IMPG1: variants seen among roughly 807,000 people sequenced by gnomAD.
IMPG1 encodes interphotoreceptor matrix proteoglycan of 150 kDa.
IMPG1 carries 85 observed loss-of-function variants against 92.0 expected under a neutral mutation model. The observed-to-expected ratio is 0.92, with a 90% CI of 0.78 to 1.11. The LOEUF (loss-of-function observed/expected upper bound fraction) is 1.11. Among genes scored for constraint, IMPG1 ranks in the 50% least tolerant of loss-of-function variants. The pLI is 0.00. For synonymous variants in IMPG1, 367 were observed against 334.1 expected (o/e 1.10, Z -1.08); for missense variants, 1,022 against 956.0 (o/e 1.07, Z -0.91).
intron 14 of IMPG1, among the ~76,000 whole-genome samples, chr6:75,939,388 C>T (rs949218436): frequency 6.6e-6 from 1 of 150,552 alleles, no homozygotes; most frequent in Non-Finnish European, 1.5e-5. Context: ...GTGTGATGTT[C>T]CCCTTCCTGT....
chr6:75,970,253 A>G, intron 12 of IMPG1, among the ~76,000 whole-genome samples: 1 of 152,120 alleles, frequency 6.6e-6, no homozygotes, highest in East Asian at 1.9e-4. Context: ...TAAAATGCGT[A>G]ATTAAGAGAG....
chr6:76,048,697 C>T (rs1435731039), intron 1 of IMPG1, among the ~76,000 whole-genome samples: 1 of 152,206 alleles, frequency 6.6e-6, no homozygotes, highest in Non-Finnish European at 1.5e-5. Flanking sequence ...AATCCTCTCT[C>T]TATAGCATGT....
intron 4 of IMPG1, among the ~76,000 whole-genome samples, chr6:76,027,783 G>T (rs1344270032): frequency 1.3e-5 from 2 of 152,102 alleles, no homozygotes; most frequent in African/African-American, 4.8e-5. Flanking sequence ...GGTTATAAAA[G>T]GTTTTTGCTT....
chr6:76,052,146 A>G (rs1247161551), intron 1 of IMPG1, among the ~76,000 whole-genome samples: 1 of 152,192 alleles, frequency 6.6e-6, no homozygotes, highest in Non-Finnish European at 1.5e-5. Context: ...TTTCGTGCCC[A>G]GAGGGGATGA....
At chr6:76,049,476 G>GTC (rs754469151) in intron 1 of IMPG1, among the ~76,000 whole-genome samples, 74 of 151,758 alleles carry the variant, frequency 4.9e-4, no homozygotes, top group Non-Finnish European at 9.6e-4. Flanking sequence ...CTCTCTCTCT[G>GTC]TCTCTCTCTC....
chr6:76,061,472 G>A (rs1784204077), intron 1 of IMPG1, among the ~76,000 whole-genome samples: 1 of 152,144 alleles, frequency 6.6e-6, no homozygotes, highest in Non-Finnish European at 1.5e-5. Flanking sequence ...AATACCTTTT[G>A]TGTAATTTCA....
intron 7 of IMPG1, among the ~76,000 whole-genome samples, chr6:76,017,807 A>G: frequency 6.6e-6 from 1 of 152,110 alleles, no homozygotes. Flanking sequence ...GGCTGGAGTG[A>G]AGTGGCACGA....
chr6:76,003,679 G>T (rs1424743580), intron 11 of IMPG1, among the ~76,000 whole-genome samples, 195 bp downstream of exon 11: 4 of 152,128 alleles, frequency 2.6e-5, no homozygotes, highest in Non-Finnish European at 1.5e-5. Flanking sequence ...TATTTAAAAT[G>T]CAAGTTGTAT....
At chr6:75,968,448 A>G (rs1782347280) in intron 12 of IMPG1, among the ~76,000 whole-genome samples, 1 of 151,914 alleles carries the variant, frequency 6.6e-6, no homozygotes, top group South Asian at 2.1e-4. Flanking sequence ...ATGTAGAAAA[A>G]TTCTACTTTT....
intron 12 of IMPG1, among the ~76,000 whole-genome samples, chr6:75,994,250 A>C (rs1157368606): frequency 6.6e-6 from 1 of 152,240 alleles, no homozygotes; most frequent in Non-Finnish European, 1.5e-5. Context: ...GTAGGAGGAC[A>C]AAGCATGCAT....
chr6:76,010,919 A>G (rs1378738133), intron 8 of IMPG1, among the ~76,000 whole-genome samples: 3 of 152,216 alleles, frequency 2.0e-5, no homozygotes, highest in Admixed American at 2.0e-4. Flanking sequence ...TGAGCTCTCT[A>G]TAGAGAGCAC....
chr6:75,922,108 T>C lies in IMPG1; in HGVS notation c.2375A>G (p.Gln792Arg). ...CAGTTTTTAATTTCCTTCCCAATCT[T>C]GATGGTTAAATTCTTCATATTCTAC... The part of the protein sequence containing the change: ...LTVEYEEFNH[Q>R]DWEGN Residue 792 changes from glutamine (Q) to arginine (R), a missense_variant, in exon 17 of 17, where the codon CAA (glutamine) becomes CGA (arginine). By Grantham distance (43) the Gln-to-Arg change is conservative. Around this residue, in one of 3 missense-constraint regions of IMPG1, gnomAD observed 332 missense variants for 346.2 expected, o/e 0.96. Coordinates refer to ENST00000369950, the MANE Select transcript of IMPG1 (RefSeq NM_001563.4). 7.4e-7 allele frequency: 1 copy of C among 1,352,876 alleles called. No homozygotes were observed. The highest frequency in any genetic ancestry group is 1.0e-6 in the Non-Finnish European group (1 of 954,024). 83.8% of individuals were successfully genotyped at this position (1,352,876 alleles called of 1,614,324 possible).
intron 12 of IMPG1, among the ~76,000 whole-genome samples, chr6:75,974,270 T>C (rs1452010395): frequency 6.6e-6 from 1 of 151,154 alleles, no homozygotes; most frequent in East Asian, 2.0e-4. Flanking sequence ...TTCTCTCTCT[T>C]TCTTTCTCTC....
chr6:75,967,946 T>C (rs1334461407), intron 12 of IMPG1, among the ~76,000 whole-genome samples: 2 of 152,226 alleles, frequency 1.3e-5, no homozygotes, highest in African/African-American at 4.8e-5. Flanking sequence ...TGCCTGCTGG[T>C]ATATTCCAGC....
At chr6:75,937,882 A>G (rs2149452740) in intron 14 of IMPG1, among the ~76,000 whole-genome samples, 1 of 152,326 alleles carries the variant, frequency 6.6e-6, no homozygotes, top group Middle Eastern at 3.4e-3. Context: ...CAAGGAGAGA[A>G]TAAGTTATAT....
chr6:75,947,023 T>C (rs2765804), intron 14 of IMPG1, among the ~76,000 whole-genome samples: 93,304 of 151,964 alleles, frequency 0.61, 29,381 homozygotes, highest in South Asian at 0.75. Flanking sequence ...AAAAAAACTC[T>C]TAAACACAGC....
chr6:76,018,768 C>T lies in IMPG1; in HGVS notation c.757G>A (p.Asp253Asn). 1 of 1,613,406 alleles carries T rather than the reference C, an allele frequency of 6.2e-7. No individual in the cohort carries two copies. Among genetic ancestry groups the T allele is most frequent in the South Asian group, 1.1e-5 (1 of 90,968 alleles). The part of the protein sequence containing the change: ...VNQKFKAELA[D>N]SQSPYYQELA... ...TCCTGGTAATATGGGGACTGGGAGT[C>T]AGCGAGCTCTGCCTTGAACTTCTGG... The change falls in exon 7 of 17, where the codon GAC becomes AAC. Residue 253 changes from aspartate to asparagine, a missense_variant. By Grantham distance (23) the Asp-to-Asn change is conservative. Around this residue, in one of 3 missense-constraint regions of IMPG1, gnomAD observed 681 missense variants for 583.6 expected, o/e 1.17. Transcript: ENST00000369950.
At chr6:76,006,317 T>C (rs556763208) in intron 9 of IMPG1, among the ~76,000 whole-genome samples, 6 of 148,682 alleles carry the variant, frequency 4.0e-5, no homozygotes, top group Non-Finnish European at 8.9e-5. Flanking sequence ...ATAGTATATA[T>C]ATATATGTAT....
intron 8 of IMPG1, among the ~76,000 whole-genome samples, chr6:76,010,089 A>G (rs1193781857): frequency 6.6e-6 from 1 of 152,250 alleles, no homozygotes; most frequent in Non-Finnish European, 1.5e-5. Flanking sequence ...TTCACTTTTC[A>G]GTATTTCCTT....
Sources: gnomAD v4.1 joint callset for allele counts (sites outside exome capture counted in the v4.1 genomes callset) on GRCh38, gnomAD v4.1.1 for gene constraint, gnomAD v4.1.1 regional missense constraint, MANE v1.5 for transcripts, NCBI Gene and HGNC (gene_info 2026-07-23, HGNC 2026-07-21) for gene names.